Variants in KHDRBS2 observed in about 807,000 individuals in gnomAD.
KHDRBS2 encodes the protein KH RNA binding domain containing, signal transduction associated 2, also known as KH domain-containing, RNA-binding, signal transduction-associated protein 2.
In KHDRBS2, 26 loss-of-function variants were observed where a neutral mutation model predicts 44.3. The ratio of observed to expected loss-of-function variants is 0.59; its 90% CI spans 0.43 to 0.81. The LOEUF is 0.81. Among genes scored for constraint, KHDRBS2 ranks in the 40% least tolerant of loss-of-function variants. The probability of loss-of-function intolerance (pLI) is 0.00; values close to 1 mark genes in which losing one functional copy is unlikely to be tolerated. For missense variants in KHDRBS2, 476 were observed against 433.1 expected, an observed-to-expected ratio of 1.10 and a Z score of -0.88; for synonymous variants, 194 against 151.1, an observed-to-expected ratio of 1.28 and a Z score of -2.08.
chr6:61,685,925 A>T (rs924333650), intron 8 of KHDRBS2, among the ~76,000 whole-genome samples: 1 of 151,780 alleles, frequency 6.6e-6, no homozygotes, highest in Non-Finnish European at 1.5e-5. Context: ...CATGAAGCAT[A>T]GGAACGAGGG....
chr6:62,161,141 T>C (rs984019499), intron 2 of KHDRBS2, among the ~76,000 whole-genome samples: 4 of 152,024 alleles, frequency 2.6e-5, no homozygotes, highest in Non-Finnish European at 5.9e-5. Flanking sequence ...TGCCAGGATT[T>C]TCTTTTTTTC....
At chr6:61,585,897 G>C in the KHDRBS2 span, among the ~76,000 whole-genome samples, 1 of 152,086 alleles carries the variant, frequency 6.6e-6, no homozygotes, top group East Asian at 1.9e-4. Flanking sequence ...CTGAACCCCA[G>C]ATCTCTTATT....
At chr6:61,853,496 A>ACTAAAAT (rs1474474979) in intron 6 of KHDRBS2, among the ~76,000 whole-genome samples, 1 of 152,202 alleles carries the variant, frequency 6.6e-6, no homozygotes, top group Non-Finnish European at 1.5e-5. Flanking sequence ...CTTAATGAGG[A>ACTAAAAT]CTTTTGTCTC....
At chr6:61,673,957 G>T in the KHDRBS2 span, among the ~76,000 whole-genome samples, 1 of 151,540 alleles carries the variant, frequency 6.6e-6, no homozygotes, top group African/African-American at 2.4e-5. Flanking sequence ...AAAAGAGCCC[G>T]CATCGCCAAG....
At chr6:61,955,051 TATATGTATGTATACAC>T (rs1368283638) in intron 4 of KHDRBS2, among the ~76,000 whole-genome samples, 60 of 144,850 alleles carry the variant, frequency 4.1e-4, no homozygotes, top group African/African-American at 1.4e-3. Context: ...TATGTATACA[TATATGTATGTATACAC>T]ATATACGTGT....
rs549095383 is a variant in KHDRBS2 at position 62,059,656 on chromosome 6, C to A, written c.220-11662G>T. The stretch of plus-strand genomic sequence containing the variant: ...ATTGGAGTATATTCCATTTGAGATG[C>A]CTTCCAAATGGAGAAACCTAGCAAT... On this transcript the variant is annotated intron_variant, in intron 2 of 8. Transcript: ENST00000281156. 8.6e-5 allele frequency among the ~76,000 whole-genome samples: 13 copies of A among 151,638 alleles called. No individual in the cohort carries two copies. In the East Asian group the frequency reaches 2.4e-3, roughly 28 times the overall value.
intron 6 of KHDRBS2, among the ~76,000 whole-genome samples, chr6:61,824,460 G>T (rs192516843): frequency 6.6e-6 from 1 of 152,066 alleles, no homozygotes; most frequent in Admixed American, 6.6e-5. Context: ...AGGCCTCCCA[G>T]CCATGCTTCT....
intron 2 of KHDRBS2, among the ~76,000 whole-genome samples, chr6:62,120,361 A>G (rs1232563254): frequency 1.3e-5 from 2 of 152,202 alleles, no homozygotes; most frequent in African/African-American, 2.4e-5. Context: ...ACTTCGTGAA[A>G]TAGATTTGTG....
chr6:62,069,292 G>C (rs1311742394), intron 2 of KHDRBS2, among the ~76,000 whole-genome samples: 2 of 151,538 alleles, frequency 1.3e-5, no homozygotes. Context: ...AAAAGAAAAT[G>C]TTACTATGAA....
At chr6:61,652,172 A>G in the KHDRBS2 span, 5 of 152,200 alleles carry the variant, frequency 3.3e-5, no homozygotes, top group African/African-American at 1.2e-4. Context: ...ATCTGATATA[A>G]TTAATAATTG....
At chr6:61,797,619 A>G (rs998146730) in intron 6 of KHDRBS2, among the ~76,000 whole-genome samples, 5 of 151,842 alleles carry the variant, frequency 3.3e-5, no homozygotes, top group African/African-American at 1.2e-4. Flanking sequence ...TTCCACTTCC[A>G]CTGGTTATAC....
downstream of KHDRBS2, among the ~76,000 whole-genome samples, chr6:61,676,953 T>C (rs1336357): frequency 0.36 from 54,715 of 151,860 alleles, 10,576 homozygotes; most frequent in East Asian, 0.49. Context: ...GCATAAACTT[T>C]ATGTTCAAAG....
intron 6 of KHDRBS2, among the ~76,000 whole-genome samples, chr6:61,780,587 C>G (rs1452146631): frequency 6.6e-6 from 1 of 152,146 alleles, no homozygotes; most frequent in Non-Finnish European, 1.5e-5. Flanking sequence ...ACACTGTATT[C>G]TACCACATGT....
chr6:61,581,042 G>T, the KHDRBS2 span, among the ~76,000 whole-genome samples: 2 of 152,188 alleles, frequency 1.3e-5, no homozygotes, highest in Admixed American at 6.5e-5. Flanking sequence ...ATCAGGTTGG[G>T]TCTTAAAAAG....
the KHDRBS2 span, among the ~76,000 whole-genome samples, chr6:61,662,902 A>T: frequency 6.1e-4 from 93 of 152,016 alleles, no homozygotes; most frequent in African/African-American, 2.1e-3. Flanking sequence ...ATTACTGGGT[A>T]TATACCCAAA....
At chr6:62,176,343 T>C (rs1299265790) in intron 2 of KHDRBS2, among the ~76,000 whole-genome samples, 1 of 151,390 alleles carries the variant, frequency 6.6e-6, no homozygotes, top group African/African-American at 2.4e-5. Context: ...TTTATCCCTG[T>C]TTGAAATAAT....
intron 6 of KHDRBS2, among the ~76,000 whole-genome samples, chr6:61,851,245 G>A (rs919796269): frequency 4.8e-5 from 7 of 145,518 alleles, no homozygotes; most frequent in African/African-American, 1.3e-4. Flanking sequence ...ATGTATATAC[G>A]TGTGTGTATA....
intron 1 of KHDRBS2, among the ~76,000 whole-genome samples, chr6:62,275,449 A>G (rs1215059007): frequency 6.6e-6 from 1 of 152,126 alleles, no homozygotes; most frequent in Non-Finnish European, 1.5e-5. Flanking sequence ...TACACTTACT[A>G]ATGTCTTTCC....
intron 6 of KHDRBS2, among the ~76,000 whole-genome samples, chr6:61,780,548 C>T (rs989661565): frequency 6.6e-6 from 1 of 150,568 alleles, no homozygotes; most frequent in Admixed American, 6.6e-5. Flanking sequence ...CAGCAAAAAA[C>T]ACTTGCTGGT....
Sources: allele counts gnomAD v4.1 joint callset (sites outside exome capture counted in the v4.1 genomes callset), GRCh38; gene constraint gnomAD v4.1.1; transcripts MANE v1.5; gene names NCBI Gene and HGNC (gene_info 2026-07-23, HGNC 2026-07-21).